The following DHX29 variants were observed in gnomAD, a reference collection of about 807,000 sequenced individuals.
DHX29 encodes the protein DExH-box helicase 29.
A neutral mutation model predicts 167.9 loss-of-function variants in DHX29; 79 were observed. The ratio of observed to expected loss-of-function variants is 0.47; its 90% CI spans 0.39 to 0.57. DHX29 has a LOEUF of 0.57. Among genes scored for constraint, DHX29 ranks in the 20% least tolerant of loss-of-function variants. The pLI, the probability that DHX29 is intolerant of heterozygous loss-of-function variation, is 0.00. For missense variants in DHX29, 1,347 were observed against 1,593.4 expected, an observed-to-expected ratio of 0.85 and a Z score of 2.63; for synonymous variants, 530 against 546.0, an observed-to-expected ratio of 0.97 and a Z score of 0.41.
rs1746050816 is a variant in DHX29 at position 55,256,278 on chromosome 5, T to C, written c.*210A>G. 2.6e-6 allele frequency: 1 copy of C among 378,764 alleles called. No individual in the cohort carries two copies. 23.5% of individuals were successfully genotyped at this position (378,764 alleles called of 1,614,324 possible). A position where few individuals can be genotyped will look rare whatever the true frequency, so the allele number is the denominator to read the frequency against. Reference sequence around the variant, plus strand: ...ACCAAAGAATTTATTGTAAATGTAGTGGCAAATACATTCAGAATAATCATC... The same window carrying C: ...ACCAAAGAATTTATTGTAAATGTAGCGGCAAATACATTCAGAATAATCATC... On this transcript the variant is annotated 3_prime_UTR_variant, in exon 27 of 27. Coordinates refer to ENST00000251636, the MANE Select transcript of DHX29 (RefSeq NM_019030.4).
rs1229861779 is a variant in DHX29, at chr5:55,270,497, AAAGT to A, written c.2994-14_2994-11del. Reference sequence around the variant, plus strand: ...CATAAAGCCTTCAAATCTGAAAAATAAAGTAATACTAAATACATATTATCAGAAA... The same window carrying A: ...CATAAAGCCTTCAAATCTGAAAAATAAATACTAAATACATATTATCAGAAA... On this transcript the variant is annotated splice_polypyrimidine_tract_variant and intron_variant, in intron 19 of 26. Transcript: ENST00000251636. 1.2e-6 allele frequency: 2 copies of A among 1,613,126 alleles called. No homozygotes were observed. The highest frequency in any genetic ancestry group is 1.7e-6 in the Non-Finnish European group (2 of 1,179,758).
At chr5:55,266,749 G>A (rs1746597604) in intron 23 of DHX29, among the ~76,000 whole-genome samples, 1 of 151,890 alleles carries the variant, frequency 6.6e-6, no homozygotes, top group Non-Finnish European at 1.5e-5. Flanking sequence ...CTGAGTAGCT[G>A]GGACTACAGG....
chr5:55,263,124 T>C (rs979018350), intron 23 of DHX29, among the ~76,000 whole-genome samples, 192 bp from the exon 24 acceptor site: 2 of 152,076 alleles, frequency 1.3e-5, no homozygotes, highest in Admixed American at 6.6e-5. Flanking sequence ...TCAGCTATTC[T>C]CCTCACCCAA....
intron 1 of DHX29, among the ~76,000 whole-genome samples, chr5:55,298,870 A>G (rs1748456505): frequency 6.6e-6 from 1 of 151,118 alleles, no homozygotes; most frequent in East Asian, 1.9e-4. Context: ...CTCTACTAAA[A>G]ATACAAAAAA....
At chr5:55,292,716 C>A (rs1306747610) in intron 6 of DHX29, among the ~76,000 whole-genome samples, 1 of 152,146 alleles carries the variant, frequency 6.6e-6, no homozygotes, top group Non-Finnish European at 1.5e-5. Flanking sequence ...ATATGCTCAT[C>A]CATTTTTTAC....
rs538716532 is a variant in DHX29 at position 55,261,519 on chromosome 5, G to A, written c.3829-20C>T. ...CCTTATCTACATGGGAAAAAGGGGG[G>A]AAAATAACTTCAAAATATAAAAATA... On this transcript the variant is annotated intron_variant, in intron 24 of 26. Transcript: ENST00000251636. 2.7e-6 allele frequency: 4 copies of A among 1,469,008 alleles called. No homozygotes were observed. The highest frequency in any genetic ancestry group is 4.1e-5 in the Admixed American group (2 of 48,494). The allele number at this position is 1,469,008 out of a possible 1,614,324, so 91.0% of individuals were successfully genotyped here.
At chr5:55,297,510 A>T in intron 2 of DHX29, 112 bp from the exon 3 acceptor site, 1 of 626,890 alleles carries the variant, frequency 1.6e-6, no homozygotes, top group Non-Finnish European at 2.8e-6. Flanking sequence ...TTCAGCTAAA[A>T]TCAGATACAG....
In DHX29 at chr5:55,270,673, C is replaced by T. The variant is rs752126528; in HGVS notation, c.2898G>A (p.Val966=). Reference sequence around the variant, plus strand: ...CACTGGCTTTACTGACAAACGTCTCCACCAAAGAACTCATCTGACTGCTTT... The same window carrying T: ...CACTGGCTTTACTGACAAACGTCTCTACCAAAGAACTCATCTGACTGCTTT... The part of the protein sequence containing the change: ...YHESSQMSSL[V]ETFVSKASAL... Residue 966 remains valine (V), a synonymous_variant, in exon 19 of 27, where the codon GTG becomes GTA. Transcript: ENST00000251636. 2 of 1,613,376 alleles carry T rather than the reference C, an allele frequency of 1.2e-6. No homozygotes were observed. Among genetic ancestry groups the T allele is most frequent in the Admixed American group, 3.3e-5 (2 of 60,026 alleles).
In DHX29 at chr5:55,283,561, A is replaced by G; in HGVS notation, c.1607T>C (p.Leu536Pro). ...NLVSDEDFSA[L>P]SLESANVEDL... The stretch of plus-strand genomic sequence containing the variant: ...TTCCACATTTGCTGATTCCAAGGAC[A>G]GTGCAGAAAAATCCTCATCCGAAAC... Residue 536 changes from leucine to proline, a missense_variant, in exon 11 of 27, where the codon CTG becomes CCG. Leu to Pro is a moderately conservative substitution (Grantham distance 98, BLOSUM62 -3). This residue lies in a region of DHX29 where 882 missense variants were observed against 1,082.4 expected (regional missense o/e 0.81). Coordinates refer to ENST00000251636, the MANE Select transcript of DHX29 (RefSeq NM_019030.4). 2 of 1,614,224 alleles carry G rather than the reference A, an allele frequency of 1.2e-6. No homozygotes were observed. The highest frequency in any genetic ancestry group is 1.7e-6 in the Non-Finnish European group (2 of 1,180,038).
intron 24 of DHX29, 75 bp from the exon 25 acceptor site, chr5:55,261,574 G>T: frequency 2.2e-6 from 2 of 911,918 alleles, no homozygotes; most frequent in Non-Finnish European, 1.7e-6. Context: ...TTTCAAGTAA[G>T]CATTTTTCTA....
At chr5:55,292,996 TA>T (rs76089152) in intron 6 of DHX29, among the ~76,000 whole-genome samples, 27,597 of 152,056 alleles carry the variant, frequency 0.18, 2,623 homozygotes, top group Admixed American at 0.19. Flanking sequence ...CAGAAGAATA[TA>T]AAAAAGAATT....
chr5:55,302,313 T>A (rs1748644627), intron 1 of DHX29, among the ~76,000 whole-genome samples: 2 of 152,118 alleles, frequency 1.3e-5, no homozygotes. Context: ...ATAACCCTTT[T>A]AAAAAGTTAC....
chr5:55,281,351 A>G, intron 12 of DHX29, 21 bp downstream of exon 12: 1 of 1,481,406 alleles, frequency 6.8e-7, no homozygotes, highest in Non-Finnish European at 9.0e-7. Context: ...ATTTTTGAAT[A>G]CAACTATAGA....
In DHX29 at chr5:55,261,455, G is replaced by C. The variant is rs1052132; in HGVS notation, c.3873C>G (p.Thr1291=). Residue 1291 remains threonine (T), a synonymous_variant, in exon 25 of 27, where the codon ACC becomes ACG. Coordinates refer to ENST00000251636, the MANE Select transcript of DHX29 (RefSeq NM_019030.4). ...RVYLRETTLI[T]PFPVLLFGGD... ...CACCAAAAAGTAAAACTGGAAAAGG[G>C]GTTATTAGGGTAGTTTCTCTCAAAT... 4 of 1,570,684 alleles carry C rather than the reference G, an allele frequency of 2.5e-6. No individual in the cohort carries two copies. The South Asian group carries it at 4.4e-5, about 17-fold the overall frequency.
rs370168052 is a variant in DHX29, at chr5:55,256,239, A to C, written c.*249T>G. Reference sequence around the variant, plus strand: ...TGCCCTTATTAACACAACGATGAGCAAAACATGCATAATACCAAAGAATTT... The same window carrying C: ...TGCCCTTATTAACACAACGATGAGCCAAACATGCATAATACCAAAGAATTT... On this transcript the variant is annotated 3_prime_UTR_variant, in exon 27 of 27. Coordinates refer to ENST00000251636, the MANE Select transcript of DHX29 (RefSeq NM_019030.4). 314 of 303,716 alleles carry C rather than the reference A, an allele frequency of 1.0e-3. No homozygotes were observed. In the Middle Eastern group the frequency reaches 0.012, roughly 12 times the overall value. The allele number at this position is 303,716 out of a possible 1,614,324, so 18.8% of individuals were successfully genotyped here. A position where few individuals can be genotyped will look rare whatever the true frequency, so the allele number is the denominator to read the frequency against.
intron 21 of DHX29, 114 bp downstream of exon 21, chr5:55,269,299 G>GTA: frequency 1.1e-6 from 1 of 900,318 alleles, no homozygotes; most frequent in South Asian, 1.7e-5. Flanking sequence ...TTTAATGTTC[G>GTA]TATAGACATT....
chr5:55,276,591 T>A (rs1478298290), intron 13 of DHX29, among the ~76,000 whole-genome samples, 185 bp from the exon 14 acceptor site: 2 of 152,120 alleles, frequency 1.3e-5, no homozygotes, highest in East Asian at 3.8e-4. Flanking sequence ...GCCTCTAAAG[T>A]CTCAGGACAA....
intron 11 of DHX29, among the ~76,000 whole-genome samples, chr5:55,282,423 C>T (rs566439695): frequency 7.2e-5 from 11 of 152,280 alleles, no homozygotes; most frequent in Admixed American, 7.2e-4. Flanking sequence ...GTCTGTCATT[C>T]TCTAACAGCA....
chr5:55,262,786 C>G lies in DHX29; in HGVS notation c.3672G>C (p.Leu1224=). The change falls in exon 24 of 27, where the codon CTG becomes CTC. Residue 1224 remains leucine, a synonymous_variant. Transcript: ENST00000251636. ...AGATTATCTTCCCCACATTGTCATACAGTCCAGCCACCAGTACAGCTTTAA... is the reference window on the plus strand; with the variant it reads ...AGATTATCTTCCCCACATTGTCATAGAGTCCAGCCACCAGTACAGCTTTAA... ...ALLKAVLVAG[L]YDNVGKIIYT... is the part of the protein sequence containing the mutation. 1.2e-6 allele frequency: 2 copies of G among 1,614,092 alleles called. No individual in the cohort carries two copies. The highest frequency in any genetic ancestry group is 8.5e-7 in the Non-Finnish European group (1 of 1,179,996).
Sources: gnomAD v4.1 joint callset for allele counts (sites outside exome capture counted in the v4.1 genomes callset) on GRCh38, gnomAD v4.1.1 for gene constraint, gnomAD v4.1.1 regional missense constraint, MANE v1.5 for transcripts, NCBI Gene and HGNC (gene_info 2026-07-23, HGNC 2026-07-21) for gene names.